GFRA2: variants seen among roughly 807,000 people sequenced by gnomAD.
GFRA2 encodes the protein GDNF family receptor alpha-2.
In GFRA2, 17 loss-of-function variants were observed where a neutral mutation model predicts 48.3. The ratio of observed to expected loss-of-function variants is 0.35; its 90% CI spans 0.24 to 0.53. The LOEUF (loss-of-function observed/expected upper bound fraction) is 0.53, where lower values mean the gene tolerates loss of function less well. GFRA2 is among the 20% of genes least tolerant of loss of function. The probability of loss-of-function intolerance (pLI) is 0.93; values close to 1 mark genes in which losing one functional copy is unlikely to be tolerated. For synonymous variants in GFRA2, 305 were observed against 257.2 expected, an observed-to-expected ratio of 1.19 and a Z score of -1.78; for missense variants, 660 against 637.3, an observed-to-expected ratio of 1.04 and a Z score of -0.38.
At chr8:21,727,379 T>TG (rs1407345079) in intron 4 of GFRA2, among the ~76,000 whole-genome samples, 10 of 152,054 alleles carry the variant, frequency 6.6e-5, no homozygotes, top group African/African-American at 2.4e-4. Context: ...AACAGAGGAT[T>TG]GGGGGTCCCT....
intron 4 of GFRA2, among the ~76,000 whole-genome samples, chr8:21,731,481 T>A (rs549019351): frequency 1.3e-4 from 20 of 151,338 alleles, no homozygotes; most frequent in African/African-American, 2.7e-4. Flanking sequence ...CTTAAAATAT[T>A]TTTTTTTTAA....
chr8:21,801,753 C>A lies in GFRA2; in HGVS notation c.-36+3264G>T, dbSNP rs967948693. Among the ~76,000 whole-genome samples the A allele has an allele frequency of 2.6e-3, 396 of 152,250 alleles. 4 individuals carry two copies. Among genetic ancestry groups the A allele is most frequent in the African/African-American group, 9.2e-3 (381 of 41,544 alleles). ...GACAACTCACTAAAACAAATCCCTG[C>A]TACAGAAGGGCCTCCACATCTCATC... On this transcript the variant is annotated intron_variant, in intron 2 of 10. Coordinates refer to the GFRA2 transcript ENST00000517328.
intron 4 of GFRA2, among the ~76,000 whole-genome samples, chr8:21,738,990 G>A (rs1233130758): frequency 1.3e-5 from 2 of 152,190 alleles, no homozygotes; most frequent in Admixed American, 6.5e-5. Context: ...CCCAGCTCCT[G>A]CAGCTGCTGA....
chr8:21,694,316 A>C (rs1802048442), intron 8 of GFRA2, 148 bp downstream of exon 8: 2 of 705,002 alleles, frequency 2.8e-6, no homozygotes, highest in Non-Finnish European at 2.4e-6. Flanking sequence ...CCACCCCAGC[A>C]GAGTAAGTGC....
chr8:21,758,569 G>C (rs1470732845), intron 3 of GFRA2, among the ~76,000 whole-genome samples: 1 of 152,058 alleles, frequency 6.6e-6, no homozygotes, highest in Non-Finnish European at 1.5e-5. Flanking sequence ...CTTAAACAGG[G>C]GTTAAAGAAC....
upstream of GFRA2, among the ~76,000 whole-genome samples, chr8:21,789,536 C>T (rs957627852): frequency 2.6e-4 from 39 of 152,228 alleles, no homozygotes; most frequent in African/African-American, 8.7e-4. Context: ...CGTCCCTGCG[C>T]CCAGGAGCCG....
chr8:21,740,396 G>A (rs1043368579), intron 4 of GFRA2, among the ~76,000 whole-genome samples: 4 of 152,096 alleles, frequency 2.6e-5, no homozygotes, highest in African/African-American at 9.7e-5. Context: ...TCAGGTTTCC[G>A]TAATCACCAA....
At chr8:21,702,545 G>A (rs924727955) in intron 7 of GFRA2, among the ~76,000 whole-genome samples, 1 of 152,206 alleles carries the variant, frequency 6.6e-6, no homozygotes, top group Admixed American at 6.5e-5. Flanking sequence ...CCTGCACCGA[G>A]GCTGTGCCCC....
intron 4 of GFRA2, among the ~76,000 whole-genome samples, chr8:21,730,910 G>A (rs777548643): frequency 6.6e-5 from 10 of 152,132 alleles, no homozygotes; most frequent in Non-Finnish European, 1.3e-4. Flanking sequence ...AGATAAAGGA[G>A]CAGGCCCAGA....
intron 7 of GFRA2, 122 bp from the exon 8 acceptor site, chr8:21,694,639 A>G (rs1802065374): frequency 2.3e-6 from 2 of 866,410 alleles, no homozygotes; most frequent in African/African-American, 3.3e-5. Context: ...GCCAGCGCAC[A>G]CGGTGAAGAG....
intron 3 of GFRA2, among the ~76,000 whole-genome samples, chr8:21,772,950 G>A (rs1443830559): frequency 3.9e-5 from 6 of 152,206 alleles, no homozygotes; most frequent in East Asian, 1.9e-4. Context: ...ACCTGTGCAC[G>A]CAGTAGTAAT....
At chr8:21,739,520 C>A (rs188306766) in intron 4 of GFRA2, among the ~76,000 whole-genome samples, 7 of 152,256 alleles carry the variant, frequency 4.6e-5, no homozygotes, top group Non-Finnish European at 7.4e-5. Flanking sequence ...TTTAGAGAAC[C>A]CTGAGATAAC....
intron 1 of GFRA2, among the ~76,000 whole-genome samples, chr8:21,811,799 C>G (rs551183553): frequency 6.9e-6 from 1 of 145,578 alleles, no homozygotes; most frequent in Admixed American, 7.0e-5. Flanking sequence ...TTTCTTTTAA[C>G]TTAAAACAAC....
rs1806196801 is a variant in GFRA2, at chr8:21,767,057, C to T, written c.439+7915G>A. Among the ~76,000 whole-genome samples the T allele has an allele frequency of 2.7e-5, 4 of 146,708 alleles. No individual in the cohort carries two copies. The South Asian group carries it at 7.1e-4, about 26-fold the overall frequency. On this transcript the variant is annotated intron_variant, in intron 3 of 8. Coordinates refer to ENST00000524240, the MANE Select transcript of GFRA2 (RefSeq NM_001495.5). ...GCCATGCACAAAACCACCACACACG[C>T]ATCACAGGCACCCCATACACTATCT...
chr8:21,785,306 C>T (rs944375636), intron 1 of GFRA2, among the ~76,000 whole-genome samples: 4 of 152,136 alleles, frequency 2.6e-5, no homozygotes, highest in Non-Finnish European at 5.9e-5. Flanking sequence ...CCACCTGGCA[C>T]GTGTGGCCAG....
chr8:21,741,307 C>T (rs13280370), intron 4 of GFRA2, among the ~76,000 whole-genome samples: 11,335 of 152,190 alleles, frequency 0.074, 485 homozygotes, highest in Non-Finnish European at 0.088. Flanking sequence ...CATGCTATGC[C>T]CTCTGCACGT....
At chr8:21,795,624 C>G (rs1314437191) in intron 2 of GFRA2, among the ~76,000 whole-genome samples, 1 of 152,188 alleles carries the variant, frequency 6.6e-6, no homozygotes, top group Non-Finnish European at 1.5e-5. Context: ...AACTCTCAGC[C>G]TCAGGTGATC....
chr8:21,698,064 C>G (rs1802297574), intron 7 of GFRA2, among the ~76,000 whole-genome samples: 1 of 152,166 alleles, frequency 6.6e-6, no homozygotes, highest in Non-Finnish European at 1.5e-5. Flanking sequence ...AGAAGCCTGC[C>G]TGTGGGTCTA....
chr8:21,719,485 T>C (rs1351625776), intron 4 of GFRA2, among the ~76,000 whole-genome samples: 2 of 152,222 alleles, frequency 1.3e-5, no homozygotes, highest in East Asian at 1.9e-4. Flanking sequence ...TTGATTTTAA[T>C]TGAAGGACTG....
Sources: gnomAD v4.1 joint callset for allele counts (sites outside exome capture counted in the v4.1 genomes callset) on GRCh38, gnomAD v4.1.1 for gene constraint, MANE v1.5 for transcripts, NCBI Gene and HGNC (gene_info 2026-07-23, HGNC 2026-07-21) for gene names.